The following GGTA1 variants were observed in gnomAD, a reference collection of about 807,000 sequenced individuals.
GGTA1 encodes inactive N-acetyllactosaminide alpha-1,3-galactosyltransferase.
A neutral mutation model predicts 2.6 loss-of-function variants in GGTA1; 5 were observed. The observed-to-expected ratio is 1.92, with a 90% CI of 1.00 to 4.04. The LOEUF (loss-of-function observed/expected upper bound fraction) is 4.04. GGTA1 is among the 30% of genes most tolerant of loss of function. The probability of loss-of-function intolerance (pLI) is 0.00; values close to 1 mark genes in which losing one functional copy is unlikely to be tolerated. For synonymous variants in GGTA1, 17 were observed against 5.0 expected, an observed-to-expected ratio of 3.38 and a Z score of -3.19; for missense variants, 50 against 16.7, an observed-to-expected ratio of 2.99 and a Z score of -3.47.
intron 5 of GGTA1, among the ~76,000 whole-genome samples, chr9:121,457,721 A>G (rs1183563500): frequency 7.1e-6 from 1 of 141,256 alleles, no homozygotes; most frequent in Non-Finnish European, 1.6e-5. Context: ...AAAAAACAGT[A>G]TATAAAGAAC....
rs1037950858 is a variant in GGTA1 at position 121,455,763 on chromosome 9, A to C, written c.*74T>G. 2.5e-5 allele frequency: 11 copies of C among 446,344 alleles called. No individual in the cohort carries two copies. Among genetic ancestry groups the C allele is most frequent in the Non-Finnish European group, 4.5e-5 (10 of 223,524 alleles). 27.6% of individuals were successfully genotyped at this position (446,344 alleles called of 1,614,324 possible). Reference sequence around the variant, plus strand: ...CGCCTGTTACACACTCCTTAACCGCATGATCTCTCAGTCCAGGTCTTCTAG... The same window carrying C: ...CGCCTGTTACACACTCCTTAACCGCCTGATCTCTCAGTCCAGGTCTTCTAG... On this transcript the variant is annotated 3_prime_UTR_variant, in exon 6 of 6. Coordinates refer to ENST00000481799, the MANE Select transcript of GGTA1 (RefSeq NM_001382585.1).
chr9:121,479,509 T>C (rs1828587580), intron 1 of GGTA1, among the ~76,000 whole-genome samples: 2 of 152,054 alleles, frequency 1.3e-5, no homozygotes, highest in African/African-American at 4.8e-5. Context: ...CGGCCCAGCC[T>C]CCTTGCCAAG....
At chr9:121,450,865 G>A (rs1050829593), downstream of GGTA1, among the ~76,000 whole-genome samples, 6 of 152,194 alleles carry the variant, frequency 3.9e-5, no homozygotes. Flanking sequence ...GATTGGTATT[G>A]TTAATGACGG....
chr9:121,462,444 C>A (rs757821462), intron 3 of GGTA1, among the ~76,000 whole-genome samples: 11 of 151,972 alleles, frequency 7.2e-5, no homozygotes, highest in Non-Finnish European at 1.2e-4. Context: ...CATGAACAGG[C>A]ATAATATTAT....
intron 1 of GGTA1, among the ~76,000 whole-genome samples, chr9:121,468,323 T>C (rs942893300): frequency 6.6e-6 from 1 of 152,220 alleles, no homozygotes; most frequent in Non-Finnish European, 1.5e-5. Flanking sequence ...TCCAGCTTCA[T>C]CCATGTCCCA....
intron 2 of GGTA1, among the ~76,000 whole-genome samples, chr9:121,465,159 A>C (rs2064996131): frequency 6.6e-6 from 1 of 152,250 alleles, no homozygotes; most frequent in African/African-American, 2.4e-5. Flanking sequence ...CCATGCAGAG[A>C]GAGTGTGCCC....
chr9:121,469,615 G>A (rs1292858906), intron 1 of GGTA1, among the ~76,000 whole-genome samples: 1 of 152,190 alleles, frequency 6.6e-6, no homozygotes, highest in African/African-American at 2.4e-5. Flanking sequence ...CGAAGGGGTG[G>A]CTGTATTGCA....
intron 1 of GGTA1, among the ~76,000 whole-genome samples, chr9:121,480,669 G>A (rs1024975334): frequency 6.6e-6 from 1 of 152,080 alleles, no homozygotes; most frequent in Non-Finnish European, 1.5e-5. Flanking sequence ...CACAGCTTCC[G>A]CCTCTTAAGG....
intron 1 of GGTA1, among the ~76,000 whole-genome samples, chr9:121,480,576 C>T (rs1388333989): frequency 2.0e-5 from 3 of 152,146 alleles, no homozygotes; most frequent in Non-Finnish European, 2.9e-5. Flanking sequence ...CAAAGCCAGA[C>T]AGGAAGGAAT....
chr9:121,454,792 C>A (rs2064897326), downstream of GGTA1, among the ~76,000 whole-genome samples: 1 of 152,170 alleles, frequency 6.6e-6, no homozygotes, highest in Non-Finnish European at 1.5e-5. Flanking sequence ...GCGGGTGGAT[C>A]ATTTGAGATC....
chr9:121,483,396 A>G (rs1828695802), intron 1 of GGTA1, among the ~76,000 whole-genome samples: 1 of 152,194 alleles, frequency 6.6e-6, no homozygotes, highest in Non-Finnish European at 1.5e-5. Flanking sequence ...GAAGGCAGAC[A>G]ATTCAATTTC....
At chr9:121,491,786 T>A (rs1179914473) in intron 1 of GGTA1, among the ~76,000 whole-genome samples, 1 of 152,016 alleles carries the variant, frequency 6.6e-6, no homozygotes, top group Non-Finnish European at 1.5e-5. Flanking sequence ...ATTTTTGTAT[T>A]TTTAGTAGAG....
intron 5 of GGTA1, among the ~76,000 whole-genome samples, chr9:121,459,154 A>G (rs2064938708): frequency 6.6e-6 from 1 of 152,086 alleles, no homozygotes; most frequent in South Asian, 2.1e-4. Context: ...CTCCTTCACA[A>G]TGGGATAGAT....
intron 1 of GGTA1, among the ~76,000 whole-genome samples, chr9:121,498,214 G>T (rs1448795688): frequency 1.3e-5 from 2 of 152,350 alleles, no homozygotes; most frequent in East Asian, 3.9e-4. Flanking sequence ...CTTGAGGCAG[G>T]ATGCCGGGCC....
At chr9:121,458,984 A>G (rs200133050) in intron 5 of GGTA1, among the ~76,000 whole-genome samples, 1 of 152,174 alleles carries the variant, frequency 6.6e-6, no homozygotes, top group African/African-American at 2.4e-5. Context: ...TCACATTTCT[A>G]TGAGTGGTTT....
chr9:121,479,023 C>T (rs914393353), intron 1 of GGTA1: 7 of 455,422 alleles, frequency 1.5e-5, no homozygotes, highest in Non-Finnish European at 2.6e-5. Context: ...TGGCTGCAGC[C>T]CTGTGAGGTC....
intron 1 of GGTA1, among the ~76,000 whole-genome samples, chr9:121,488,186 G>C (rs115285202): frequency 0.045 from 6,803 of 151,980 alleles, 178 homozygotes; most frequent in East Asian, 0.11. Context: ...CATTGCTCAG[G>C]CTGGAGTGCA....
At chr9:121,479,043 G>A in intron 1 of GGTA1, 5 of 456,270 alleles carry the variant, frequency 1.1e-5, no homozygotes, top group Non-Finnish European at 2.2e-5. Flanking sequence ...CCTACCAGGG[G>A]AGCAAAATAA....
At chr9:121,458,175 G>A (rs932327205) in intron 5 of GGTA1, among the ~76,000 whole-genome samples, 4 of 151,684 alleles carry the variant, frequency 2.6e-5, no homozygotes, top group Non-Finnish European at 5.9e-5. Context: ...CTCCCAAAGT[G>A]CTAGGATTAC....
Sources: allele counts gnomAD v4.1 joint callset (sites outside exome capture counted in the v4.1 genomes callset), GRCh38; gene constraint gnomAD v4.1.1; transcripts MANE v1.5; gene names NCBI Gene and HGNC (gene_info 2026-07-23, HGNC 2026-07-21).